Variants in BRI3 observed in about 807,000 individuals in gnomAD.
The protein encoded by BRI3 is brain protein I3.
BRI3 carries 6 observed loss-of-function variants against 12.8 expected under a neutral mutation model. That is an observed-to-expected ratio of 0.47 (90% CI 0.26 to 0.93). BRI3 has a LOEUF of 0.93. BRI3 is among the 40% of genes least tolerant of loss of function. The pLI is 0.15. For synonymous variants in BRI3, 91 were observed against 76.1 expected (o/e 1.20, Z -1.02); for missense variants, 134 against 171.1 (o/e 0.78, Z 1.21).
chr7:98,320,254 C>T, the BRI3 span: 17 of 1,609,760 alleles, frequency 1.1e-5, no homozygotes, highest in African/African-American at 2.7e-5. Context: ...TCAAGACTCT[C>T]GTTGAGTTTC....
chr7:98,297,200 G>A (rs1019915189), downstream of BRI3, among the ~76,000 whole-genome samples: 1 of 152,208 alleles, frequency 6.6e-6, no homozygotes, highest in East Asian at 1.9e-4. Context: ...CCCATCTCCC[G>A]CAAGAATCCA....
chr7:98,299,895 G>T (rs1279025579), intron 1 of BRI3, among the ~76,000 whole-genome samples: 1 of 152,082 alleles, frequency 6.6e-6, no homozygotes, highest in Non-Finnish European at 1.5e-5. Flanking sequence ...ACAAAAATTA[G>T]CTGGGTGTGG....
chr7:98,319,354 C>A, the BRI3 span, among the ~76,000 whole-genome samples: 1 of 152,152 alleles, frequency 6.6e-6, no homozygotes, highest in African/African-American at 2.4e-5. Flanking sequence ...TGCAGATGGG[C>A]CAGGGCACAC....
chr7:98,311,554 AT>A (rs1265142396), downstream of BRI3, among the ~76,000 whole-genome samples: 3 of 151,730 alleles, frequency 2.0e-5, no homozygotes, highest in Admixed American at 6.6e-5. Context: ...AACAAAAAAA[AT>A]AAAAAAAAAA....
intron 2 of BRI3, among the ~76,000 whole-genome samples, chr7:98,284,398 G>C (rs1435874497): frequency 1.3e-5 from 2 of 152,204 alleles, no homozygotes; most frequent in Admixed American, 6.5e-5. Context: ...CCTGTGCCCT[G>C]TGGCAGCCAG....
upstream of BRI3, among the ~76,000 whole-genome samples, chr7:98,302,016 T>G (rs540841655): frequency 2.0e-5 from 3 of 152,182 alleles, no homozygotes; most frequent in Non-Finnish European, 2.9e-5. Context: ...GGGAAGCCGG[T>G]AAGAGGCGTG....
chr7:98,307,255 GCCA>G (rs1157564817), intron 1 of BRI3: 1 of 337,894 alleles, frequency 3.0e-6, no homozygotes. Flanking sequence ...ACAGGCGCCT[GCCA>G]CCACGCCTGG....
chr7:98,311,700 GTT>G (rs1445684875), downstream of BRI3, among the ~76,000 whole-genome samples: 3 of 151,898 alleles, frequency 2.0e-5, no homozygotes, highest in African/African-American at 7.3e-5. Flanking sequence ...GAGGTCAGGA[GTT>G]TGAGACCAGC....
At chr7:98,304,579 ACT>A (rs1465012153), upstream of BRI3, among the ~76,000 whole-genome samples, 3 of 151,930 alleles carry the variant, frequency 2.0e-5, no homozygotes, top group African/African-American at 7.3e-5. Flanking sequence ...ACAGAGTCTC[ACT>A]CTGTCACCCA....
At chr7:98,317,427 A>C in the BRI3 span, 2 of 1,580,826 alleles carry the variant, frequency 1.3e-6, no homozygotes, top group Non-Finnish European at 1.7e-6. Flanking sequence ...GCCTTTACTC[A>C]CACTTCCACT....
chr7:98,299,684 A>G (rs1030106337), intron 1 of BRI3, among the ~76,000 whole-genome samples: 1 of 152,204 alleles, frequency 6.6e-6, no homozygotes, highest in Non-Finnish European at 1.5e-5. Flanking sequence ...GGAACACTGT[A>G]CTATTTTGTA....
chr7:98,313,070 T>C (rs1011844483), downstream of BRI3, among the ~76,000 whole-genome samples: 1 of 151,604 alleles, frequency 6.6e-6, no homozygotes, highest in Non-Finnish European at 1.5e-5. Flanking sequence ...GGGGGGCTGA[T>C]GTCAGTCCTG....
chr7:98,282,855 G>A, intron 2 of BRI3: 1 of 187,568 alleles, frequency 5.3e-6, no homozygotes, highest in South Asian at 9.1e-5. Context: ...GTGGTGGAAG[G>A]TTTCATTTTC....
chr7:98,287,193 GC>G (rs1258633408), intron 2 of BRI3, among the ~76,000 whole-genome samples: 1 of 152,256 alleles, frequency 6.6e-6, no homozygotes, highest in Non-Finnish European at 1.5e-5. Flanking sequence ...AGGGAAACAG[GC>G]TCGCTCTCCC....
exon 2 of BRI3, chr7:98,308,949 GA>G (rs1179772485): frequency 6.6e-6 from 1 of 151,924 alleles, no homozygotes; most frequent in Non-Finnish European, 1.5e-5. Context: ...AAAGTGCTGG[GA>G]TTACAGGTTT....
At chr7:98,304,244 C>T (rs773513223), upstream of BRI3, 19 of 1,613,032 alleles carry the variant, frequency 1.2e-5, no homozygotes, top group Admixed American at 8.4e-5. Flanking sequence ...AGGTGGATGT[C>T]GTCCTGGCCG....
At chr7:98,297,486 G>A (rs937511261), downstream of BRI3, among the ~76,000 whole-genome samples, 1 of 152,154 alleles carries the variant, frequency 6.6e-6, no homozygotes, top group African/African-American at 2.4e-5. Flanking sequence ...CCTTGCTCCT[G>A]AGCAGAATGG....
In BRI3 at chr7:98,306,844, C is replaced by T. The variant is rs1254290711; in HGVS notation, n.144+179C>T. 9.4e-5 allele frequency: 31 copies of T among 329,296 alleles called. 1 individual carries two copies. Among genetic ancestry groups the T allele is most frequent in the Non-Finnish European group, 1.4e-4 (24 of 173,792 alleles). 20.4% of individuals were successfully genotyped at this position (329,296 alleles called of 1,614,324 possible). On this transcript the variant is annotated intron_variant and non_coding_transcript_variant, in intron 1 of 1. Coordinates refer to the BRI3 transcript ENST00000485422. ...TGCCTCAGCATCCGAGTAGCTGTGA[C>T]TAGAAGTGTGCACCACCATGCCTAG...
downstream of BRI3, chr7:98,293,923 G>T (rs1017786477): frequency 6.6e-6 from 6 of 908,514 alleles, no homozygotes; most frequent in African/African-American, 1.0e-4. Flanking sequence ...AGTTGGTAAA[G>T]CGAGCAGGGG....
Sources: allele counts gnomAD v4.1 joint callset (sites outside exome capture counted in the v4.1 genomes callset), GRCh38; gene constraint gnomAD v4.1.1; transcripts MANE v1.5; gene names NCBI Gene and HGNC (gene_info 2026-07-23, HGNC 2026-07-21).